The following RELN variants were observed in gnomAD, a reference collection of about 807,000 sequenced individuals.
RELN encodes reelin.
RELN carries 108 observed loss-of-function variants against 427.6 expected under a neutral mutation model. The ratio of observed to expected loss-of-function variants is 0.25; its 90% CI spans 0.22 to 0.30. The LOEUF is 0.30. Ranked by LOEUF, RELN falls within the 10% of genes least tolerant of loss-of-function variation. RELN has a pLI of 1.00. For missense variants in RELN, 3,715 were observed against 4,302.8 expected (o/e 0.86, Z 3.82); for synonymous variants, 1,524 against 1,513.4 (o/e 1.01, Z -0.16).
chr7:103,948,816 C>T (rs1442287086), intron 1 of RELN, among the ~76,000 whole-genome samples: 1 of 151,842 alleles, frequency 6.6e-6, no homozygotes, highest in African/African-American at 2.4e-5. Flanking sequence ...GAATTTGAGA[C>T]CAGCCTGGGC....
At chr7:103,587,160 T>C (rs1293259320) in intron 28 of RELN, among the ~76,000 whole-genome samples, 1 of 152,156 alleles carries the variant, frequency 6.6e-6, no homozygotes, top group Non-Finnish European at 1.5e-5. Context: ...CAAAACACCA[T>C]GATACTGGTG....
At chr7:103,519,911 C>T (rs1334152909) in intron 48 of RELN, among the ~76,000 whole-genome samples, 3 of 152,108 alleles carry the variant, frequency 2.0e-5, no homozygotes. Context: ...GATTTTCTTA[C>T]CCTCTTTCTT....
At chr7:103,770,768 A>C (rs1791547881) in intron 4 of RELN, among the ~76,000 whole-genome samples, 2 of 152,060 alleles carry the variant, frequency 1.3e-5, no homozygotes, top group African/African-American at 4.8e-5. Flanking sequence ...CCCAGGATTT[A>C]TTTCTCATGT....
At chr7:103,843,486 A>G (rs1223235866) in intron 2 of RELN, among the ~76,000 whole-genome samples, 1 of 152,138 alleles carries the variant, frequency 6.6e-6, no homozygotes, top group East Asian at 1.9e-4. Context: ...ATAGTAGTAC[A>G]TTAGTTCTGG....
At position 103,836,804 on chromosome 7, in the gene RELN, T is replaced by C. The variant is rs112754647; in HGVS notation, c.338-3132A>G. ...ATGGGTCCCCACTGAATCTTTTACTTAATTCCAACACAGCACTTAGCCCAA... is the reference window on the plus strand; with the variant it reads ...ATGGGTCCCCACTGAATCTTTTACTCAATTCCAACACAGCACTTAGCCCAA... On this transcript the variant is annotated intron_variant, in intron 2 of 64. Coordinates refer to ENST00000428762, the MANE Select transcript of RELN (RefSeq NM_005045.4). 4.6e-3 allele frequency among the ~76,000 whole-genome samples: 701 copies of C among 152,298 alleles called. 6 individuals carry two copies. Among genetic ancestry groups the C allele is most frequent in the African/African-American group, 0.016 (675 of 41,568 alleles).
intron 4 of RELN, among the ~76,000 whole-genome samples, chr7:103,756,781 G>A (rs1423980415): frequency 6.6e-6 from 1 of 152,108 alleles, no homozygotes; most frequent in Non-Finnish European, 1.5e-5. Context: ...TAACAAAAAT[G>A]TCCACTATCT....
At chr7:103,583,231 C>T (rs965473443) in intron 28 of RELN, among the ~76,000 whole-genome samples, 13 of 152,320 alleles carry the variant, frequency 8.5e-5, no homozygotes, top group African/African-American at 3.1e-4. Context: ...TGGTCTTAGA[C>T]TGAGCCATGC....
intron 2 of RELN, among the ~76,000 whole-genome samples, chr7:103,905,672 C>CCACAGGAGTGAAGATGACTT (rs11269380): frequency 3.8e-4 from 57 of 150,752 alleles, no homozygotes; most frequent in Non-Finnish European, 6.3e-4. Flanking sequence ...TGGTAATGTG[C>CCACAGGAGTGAAGATGACTT]CACAGGAGTG....
intron 4 of RELN, among the ~76,000 whole-genome samples, chr7:103,753,721 A>T (rs934062490): frequency 6.6e-6 from 1 of 152,204 alleles, no homozygotes; most frequent in African/African-American, 2.4e-5. Context: ...TCCTAACGTG[A>T]ATTGTGTCTC....
intron 25 of RELN, among the ~76,000 whole-genome samples, chr7:103,596,002 A>G (rs922265333): frequency 6.6e-6 from 1 of 152,188 alleles, no homozygotes; most frequent in Non-Finnish European, 1.5e-5. Flanking sequence ...AGAAAATCTG[A>G]GCTCTATACA....
At chr7:103,859,947 A>G (rs1794034602) in intron 2 of RELN, among the ~76,000 whole-genome samples, 1 of 152,216 alleles carries the variant, frequency 6.6e-6, no homozygotes, top group Non-Finnish European at 1.5e-5. Context: ...CAATGACAAC[A>G]ATTAACATTC....
chr7:103,817,378 G>C (rs1584264726), intron 3 of RELN, among the ~76,000 whole-genome samples: 1 of 152,130 alleles, frequency 6.6e-6, no homozygotes, highest in African/African-American at 2.4e-5. Context: ...CAGAAGAGGA[G>C]GACAGGATCT....
rs150516536 is a variant in RELN at position 103,682,057 on chromosome 7, C to T, written c.1289+59G>A. The T allele has an allele frequency of 1.0e-4, 154 of 1,508,782 alleles. 1 individual carries two copies. The East Asian group carries it at 3.1e-3, about 31-fold the overall frequency. 93.5% of individuals were successfully genotyped at this position (1,508,782 alleles called of 1,614,324 possible). A position where few individuals can be genotyped will look rare whatever the true frequency, so the allele number is the denominator to read the frequency against. ...CATTTAACAATATGCATTTAAAACA[C>T]GTCCAGTAGAATAAATGTAAGTGCT... On this transcript the variant is annotated intron_variant, in intron 11 of 64. Transcript: ENST00000428762.
chr7:103,878,965 T>C (rs939776084), intron 2 of RELN, among the ~76,000 whole-genome samples: 8 of 152,196 alleles, frequency 5.3e-5, no homozygotes, highest in Non-Finnish European at 1.0e-4. Context: ...ACTCAGGCTT[T>C]TACTAACAAA....
rs539104783 is a variant in RELN, at chr7:103,989,064, G to C, written c.226+67C>G. ...TCCAAGGCCCCTTGGAAGAAGGAAA[G>C]GGATGAGAAAGGTGCGCTGGCGGGC... On this transcript the variant is annotated intron_variant, in intron 1 of 64. Coordinates refer to ENST00000428762, the MANE Select transcript of RELN (RefSeq NM_005045.4). The surrounding 1 kb of genome is among the most constrained non-coding windows in gnomAD (Gnocchi z 4.9). 47 of 1,391,188 alleles carry C rather than the reference G, an allele frequency of 3.4e-5. 1 individual carries two copies. The Admixed American group carries it at 5.9e-4, about 17-fold the overall frequency. 86.2% of individuals were successfully genotyped at this position (1,391,188 alleles called of 1,614,324 possible).
intron 6 of RELN, among the ~76,000 whole-genome samples, chr7:103,744,319 C>T (rs1790756203): frequency 6.6e-6 from 1 of 151,738 alleles, no homozygotes; most frequent in Non-Finnish European, 1.5e-5. Context: ...CAGGAAAGAT[C>T]CAAAATTGAC....
chr7:103,600,212 A>G (rs1831632238), intron 24 of RELN, among the ~76,000 whole-genome samples: 1 of 152,200 alleles, frequency 6.6e-6, no homozygotes, highest in Admixed American at 6.5e-5. Context: ...TAAGTTTTAG[A>G]TAATATGATC....
chr7:103,576,333 T>C (rs767776685), intron 28 of RELN, among the ~76,000 whole-genome samples: 4 of 152,110 alleles, frequency 2.6e-5, no homozygotes, highest in Non-Finnish European at 5.9e-5. Context: ...AGAGATGAGG[T>C]TTCACTACGT....
At chr7:103,955,012 G>C (rs1796405465) in intron 1 of RELN, among the ~76,000 whole-genome samples, 1 of 152,214 alleles carries the variant, frequency 6.6e-6, no homozygotes, top group African/African-American at 2.4e-5. Flanking sequence ...GCTAATGCCA[G>C]ATCATTTGTT....
Sources: gnomAD v4.1 joint callset for allele counts (sites outside exome capture counted in the v4.1 genomes callset) on GRCh38, gnomAD v4.1.1 for gene constraint, Gnocchi (gnomAD v3.1) non-coding constraint, MANE v1.5 for transcripts, NCBI Gene and HGNC (gene_info 2026-07-23, HGNC 2026-07-21) for gene names.